The following MYO3B variants were observed in gnomAD, a reference collection of about 807,000 sequenced individuals.
MYO3B encodes myosin-IIIb.
In MYO3B, 156 loss-of-function variants were observed where a neutral mutation model predicts 174.6. That is an observed-to-expected ratio of 0.89 (90% CI 0.78 to 1.02). The LOEUF is 1.02. Ranked by LOEUF, MYO3B falls within the 50% of genes least tolerant of loss-of-function variation. The pLI, the probability that MYO3B is intolerant of heterozygous loss-of-function variation, is 0.00. For missense variants in MYO3B, 1,632 were observed against 1,639.4 expected (o/e 1.00, Z 0.08); for synonymous variants, 563 against 569.1 (o/e 0.99, Z 0.15).
chr2:170,545,452 T>C (rs945458049), intron 32 of MYO3B, among the ~76,000 whole-genome samples: 2 of 152,260 alleles, frequency 1.3e-5, no homozygotes, highest in African/African-American at 4.8e-5. Context: ...ATTATTGTTA[T>C]TGACATTATA....
chr2:170,308,374 C>T (rs1287349740), intron 7 of MYO3B, among the ~76,000 whole-genome samples: 4 of 152,168 alleles, frequency 2.6e-5, no homozygotes, highest in Non-Finnish European at 5.9e-5. Flanking sequence ...TTGCTGAGTG[C>T]GACACATGCA....
intron 16 of MYO3B, among the ~76,000 whole-genome samples, chr2:170,397,474 A>G (rs1326518764): frequency 1.3e-5 from 2 of 152,204 alleles, no homozygotes; most frequent in Non-Finnish European, 2.9e-5. Context: ...TTTCCTGGCT[A>G]TATATTTCGT....
rs1282413224 is a variant in MYO3B, at chr2:170,649,257, TATATAATATATTATATATAAA to T, written c.3734-2367_3734-2347del. 6.4e-5 allele frequency among the ~76,000 whole-genome samples: 4 copies of T among 62,144 alleles called. 1 individual carries two copies. The highest frequency in any genetic ancestry group is 4.5e-4 in the African/African-American group (4 of 8,808). 40.8% of individuals were successfully genotyped at this position (62,144 alleles called of 152,430 possible). On this transcript the variant is annotated intron_variant, in intron 32 of 34. Coordinates refer to ENST00000408978, the MANE Select transcript of MYO3B (RefSeq NM_138995.5). ...ATAATATATATTATATATAAAATAA[TATATAATATATTATATATAAA>T]ATAATATATATTATATATAAAATAA...
intron 7 of MYO3B, among the ~76,000 whole-genome samples, chr2:170,329,769 CAGGTAAGATGTGACTT>C (rs1387788876): frequency 6.6e-6 from 1 of 151,920 alleles, no homozygotes; most frequent in Non-Finnish European, 1.5e-5. Context: ...TAATTTTGAA[CAGGTAAGATGTGACTT>C]AGGGAGAAAA....
chr2:170,467,254 A>G (rs182882128), intron 25 of MYO3B, among the ~76,000 whole-genome samples: 1 of 152,344 alleles, frequency 6.6e-6, no homozygotes, highest in East Asian at 1.9e-4. Context: ...GGGTATGAAA[A>G]GAAAGTAAGT....
At chr2:170,327,223 A>G (rs1431550637) in intron 7 of MYO3B, among the ~76,000 whole-genome samples, 3 of 152,200 alleles carry the variant, frequency 2.0e-5, no homozygotes, top group East Asian at 3.9e-4. Context: ...TGTCTCTACT[A>G]AAAATACAAA....
chr2:170,401,432 T>C, intron 17 of MYO3B, 49 bp from the exon 18 acceptor site: 1 of 1,530,332 alleles, frequency 6.5e-7, no homozygotes, highest in Non-Finnish European at 9.0e-7. Flanking sequence ...ACAGACTGAC[T>C]GAATGAAGGT....
intron 8 of MYO3B, among the ~76,000 whole-genome samples, chr2:170,364,006 T>C (rs2094180500): frequency 6.6e-6 from 1 of 152,208 alleles, no homozygotes; most frequent in East Asian, 1.9e-4. Flanking sequence ...TAAAGGACTC[T>C]GGAAAGAACT....
At chr2:170,229,933 A>G (rs1367624892) in intron 6 of MYO3B, among the ~76,000 whole-genome samples, 1 of 152,050 alleles carries the variant, frequency 6.6e-6, no homozygotes, top group Non-Finnish European at 1.5e-5. Context: ...AAGTGAAAGT[A>G]CTCTACTCAT....
At chr2:170,596,669 A>G (rs1303893286) in intron 32 of MYO3B, among the ~76,000 whole-genome samples, 1 of 152,168 alleles carries the variant, frequency 6.6e-6, no homozygotes, top group Non-Finnish European at 1.5e-5. Context: ...CTCTGCCCCC[A>G]AACCACCACT....
At chr2:170,241,130 GTT>G (rs11435234) in intron 7 of MYO3B, among the ~76,000 whole-genome samples, 1 of 146,098 alleles carries the variant, frequency 6.8e-6, no homozygotes, top group Non-Finnish European at 1.5e-5. Context: ...TTATTTATTT[GTT>G]TTTTTTTTTA....
chr2:170,595,729 T>A (rs958079917), intron 32 of MYO3B, among the ~76,000 whole-genome samples: 1 of 152,162 alleles, frequency 6.6e-6, no homozygotes, highest in Non-Finnish European at 1.5e-5. Flanking sequence ...TGAGCCACCA[T>A]GCCTGGCTTC....
At chr2:170,488,271 G>A (rs978332613) in intron 25 of MYO3B, among the ~76,000 whole-genome samples, 1 of 135,962 alleles carries the variant, frequency 7.4e-6, no homozygotes. Flanking sequence ...AAAAGTAGCA[G>A]TGGTTTTATT....
At chr2:170,634,369 A>C (rs1308756437) in intron 32 of MYO3B, among the ~76,000 whole-genome samples, 1 of 152,360 alleles carries the variant, frequency 6.6e-6, no homozygotes, top group Non-Finnish European at 1.5e-5. Flanking sequence ...GCAATGGGGA[A>C]AGGATTCCCT....
chr2:170,238,259 A>C (rs1309816172), intron 7 of MYO3B, among the ~76,000 whole-genome samples: 1 of 152,250 alleles, frequency 6.6e-6, no homozygotes, highest in Non-Finnish European at 1.5e-5. Context: ...TGAAAAGTAC[A>C]GAAATTAAGC....
intron 7 of MYO3B, among the ~76,000 whole-genome samples, chr2:170,270,346 A>G (rs1024314436): frequency 2.0e-5 from 3 of 152,150 alleles, no homozygotes; most frequent in Admixed American, 6.6e-5. Context: ...TAGAGTTTGG[A>G]TGAGAAAGAC....
In MYO3B at chr2:170,374,758, T is replaced by TACACACACACAC. The variant is rs201921789; in HGVS notation, c.971+5412_971+5423dup. On this transcript the variant is annotated intron_variant, in intron 9 of 34. Coordinates refer to ENST00000408978, the MANE Select transcript of MYO3B (RefSeq NM_138995.5). ...CTCTCTATATATATATATGCATACA[T>TACACACACACAC]ACACACACACACACACACACACACA... 4.9e-3 allele frequency among the ~76,000 whole-genome samples: 684 copies of TACACACACACAC among 140,032 alleles called. 8 individuals carry two copies. The highest frequency in any genetic ancestry group is 0.016 in the African/African-American group (559 of 35,660). 91.9% of individuals were successfully genotyped at this position (140,032 alleles called of 152,430 possible). A position where few individuals can be genotyped will look rare whatever the true frequency, so the allele number is the denominator to read the frequency against.
At position 170,401,550 on chromosome 2, in the gene MYO3B, G is replaced by A. The variant is rs767225197; in HGVS notation, c.1988G>A (p.Arg663Gln). Reference sequence around the variant, plus strand: ...CTCACCTCCCACTGTGTGGTCACCCGGGGCGAGACCATCATCCGTGCCAAC... The same window carrying A: ...CTCACCTCCCACTGTGTGGTCACCCAGGGCGAGACCATCATCCGTGCCAAC... Reference protein sequence around the residue: ...EALTSHCVVTRGETIIRANTV... With the variant: ...EALTSHCVVTQGETIIRANTV... Residue 663 changes from arginine (R) to glutamine (Q), a missense_variant, in exon 18 of 35, where the codon CGG (arginine) becomes CAG (glutamine). Arg to Gln is a conservative substitution (Grantham distance 43). Transcript: ENST00000408978. 4.3e-6 allele frequency: 7 copies of A among 1,614,112 alleles called. No homozygotes were observed. The highest frequency in any genetic ancestry group is 1.1e-5 in the South Asian group (1 of 91,082).
rs975379001 is a variant in MYO3B at position 170,199,391 on chromosome 2, T to C, written c.186T>C (p.Ser62=). 1 of 1,597,602 alleles carries C rather than the reference T, an allele frequency of 6.3e-7. No homozygotes were observed. Among genetic ancestry groups the C allele is most frequent in the Non-Finnish European group, 8.5e-7 (1 of 1,172,490 alleles). ...LAAVKILDPV[S]DMDEEIEAEY... ...CAGTGAAAATTCTGGATCCAGTCAG[T>C]GTAAGTAACAGTTGTAAATTATAAC... The change falls in exon 2 of 35, where the codon AGT becomes AGC. Residue 62 remains serine (S), a splice_region_variant and synonymous_variant. Transcript: ENST00000408978.
Sources: gnomAD v4.1 joint callset for allele counts (sites outside exome capture counted in the v4.1 genomes callset) on GRCh38, gnomAD v4.1.1 for gene constraint, MANE v1.5 for transcripts, NCBI Gene and HGNC (gene_info 2026-07-23, HGNC 2026-07-21) for gene names.